The following APAF1 variants were observed in gnomAD, a reference collection of about 807,000 sequenced individuals.
The protein encoded by APAF1 is apoptotic protease-activating factor 1.
Under a neutral mutation model 152.4 loss-of-function variants are expected in APAF1, and 91 were observed. The observed-to-expected ratio is 0.60, with a 90% CI of 0.50 to 0.71. The LOEUF (loss-of-function observed/expected upper bound fraction) is 0.71, where lower values mean the gene tolerates loss of function less well. APAF1 is among the 30% of genes least tolerant of loss of function. The pLI, the probability that APAF1 is intolerant of heterozygous loss-of-function variation, is 0.00. For missense variants in APAF1, 1,283 were observed against 1,472.0 expected (o/e 0.87, Z 2.10); for synonymous variants, 484 against 494.1 (o/e 0.98, Z 0.27).
At chr12:98,667,232 T>C (rs2097674109) in intron 9 of APAF1, among the ~76,000 whole-genome samples, 6 of 151,782 alleles carry the variant, frequency 4.0e-5, no homozygotes, top group Admixed American at 3.9e-4. Context: ...AGTAGTTGGG[T>C]CTGCAGGCAT....
chr12:98,723,912 T>C, intron 24 of APAF1, 148 bp downstream of exon 24: 1 of 831,090 alleles, frequency 1.2e-6, no homozygotes, highest in Non-Finnish European at 2.0e-6. Flanking sequence ...CATTGGCATT[T>C]AGTTGGTATC....
intron 7 of APAF1, among the ~76,000 whole-genome samples, chr12:98,664,743 C>T (rs2097669964): frequency 6.6e-6 from 1 of 152,078 alleles, no homozygotes; most frequent in South Asian, 2.1e-4. Context: ...CTATGTTGCC[C>T]AGGCAGGTCT....
At chr12:98,723,431 C>T (rs2097745902) in intron 23 of APAF1, 119 bp downstream of exon 23, 1 of 1,199,922 alleles carries the variant, frequency 8.3e-7, no homozygotes. Flanking sequence ...TAATTTTTCT[C>T]ATGCTTGTTT....
At chr12:98,671,826 G>A in intron 12 of APAF1, 107 bp downstream of exon 12, 1 of 1,068,592 alleles carries the variant, frequency 9.4e-7, no homozygotes. Flanking sequence ...CTTTCGAAAG[G>A]GCTGGAACTT....
chr12:98,727,140 T>C, intron 25 of APAF1, 33 bp from the exon 26 acceptor site: 1 of 1,610,314 alleles, frequency 6.2e-7, no homozygotes, highest in Non-Finnish European at 8.5e-7. Flanking sequence ...TCTGGATAAC[T>C]CTGTTAATGA....
intron 23 of APAF1, 136 bp from the exon 24 acceptor site, chr12:98,723,503 T>C: frequency 1.0e-6 from 1 of 1,000,472 alleles, no homozygotes; most frequent in Non-Finnish European, 1.5e-6. Context: ...GTTAGTCACA[T>C]TTAAAGTAAA....
chr12:98,730,899 G>C (rs1408814978), intron 26 of APAF1, among the ~76,000 whole-genome samples: 1 of 152,180 alleles, frequency 6.6e-6, no homozygotes, highest in Non-Finnish European at 1.5e-5. Context: ...AAATAATTTA[G>C]CTGTTTACCT....
intron 20 of APAF1, 51 bp downstream of exon 20, chr12:98,708,755 A>G (rs370370266): frequency 1.4e-4 from 218 of 1,593,406 alleles, no homozygotes; most frequent in Non-Finnish European, 1.7e-4. Context: ...TGAATTTTCT[A>G]TTCACGGTTT....
In APAF1 at chr12:98,732,721, T is replaced by C. The variant is rs1361110314; in HGVS notation, c.*155T>C. On this transcript the variant is annotated 3_prime_UTR_variant, in exon 27 of 27. Transcript: ENST00000551964. ...TTTGTGGTTGGATGAATAATATTAATGTAGCTTTTTCCCAAATGAACATAC... is the reference window on the plus strand; with the variant it reads ...TTTGTGGTTGGATGAATAATATTAACGTAGCTTTTTCCCAAATGAACATAC... 4.6e-5 allele frequency: 28 copies of C among 608,274 alleles called. No individual in the cohort carries two copies. Among genetic ancestry groups the C allele is most frequent in the Non-Finnish European group, 6.9e-5 (24 of 348,282 alleles). 37.7% of individuals were successfully genotyped at this position (608,274 alleles called of 1,614,324 possible). A position where few individuals can be genotyped will look rare whatever the true frequency, so the allele number is the denominator to read the frequency against.
At chr12:98,709,187 C>T (rs2097725066) in intron 20 of APAF1, among the ~76,000 whole-genome samples, 1 of 152,234 alleles carries the variant, frequency 6.6e-6, no homozygotes, top group Non-Finnish European at 1.5e-5. Context: ...TTCATTTACA[C>T]ACACCTTTGT....
intron 1 of APAF1, among the ~76,000 whole-genome samples, chr12:98,647,279 G>C (rs2097642396): frequency 6.6e-6 from 1 of 151,296 alleles, no homozygotes; most frequent in Admixed American, 6.6e-5. Flanking sequence ...ATAAGACAAG[G>C]TGGGGGAGAA....
chr12:98,663,001 T>C (rs2097667508), intron 7 of APAF1, among the ~76,000 whole-genome samples, 195 bp downstream of exon 7: 1 of 152,192 alleles, frequency 6.6e-6, no homozygotes, highest in African/African-American at 2.4e-5. Flanking sequence ...TAAAATAATA[T>C]TTACCATCTA....
At chr12:98,696,504 C>T (rs2097710066) in intron 16 of APAF1, among the ~76,000 whole-genome samples, 1 of 152,192 alleles carries the variant, frequency 6.6e-6, no homozygotes, top group African/African-American at 2.4e-5. Flanking sequence ...AGTGGGGATC[C>T]AATTTCAACA....
In APAF1 at chr12:98,653,671, AAAAAAAAAAAAAAAAAAAAAATATATAT is replaced by A. The variant is rs1182012306; in HGVS notation, c.526+3989_526+4016del. On this transcript the variant is annotated intron_variant, in intron 4 of 26. Transcript: ENST00000551964. ...GATGCCGTCTCAAAAAAAAAAAAAA[AAAAAAAAAAAAAAAAAAAAAATATATAT>A]ATATATATATATATATATATATATA... Among the ~76,000 whole-genome samples the A allele has an allele frequency of 1.1e-3, 49 of 46,394 alleles. 2 individuals are homozygous for A. Among genetic ancestry groups the A allele is most frequent in the African/African-American group, 3.2e-3 (45 of 14,178 alleles). 30.4% of individuals were successfully genotyped at this position (46,394 alleles called of 152,430 possible).
intron 4 of APAF1, among the ~76,000 whole-genome samples, chr12:98,658,943 T>G (rs1245432003): frequency 6.6e-6 from 1 of 152,218 alleles, no homozygotes; most frequent in Admixed American, 6.5e-5. Context: ...GCCACAGATT[T>G]ACTTCAAACT....
At chr12:98,663,561 A>G (rs1335812092) in intron 7 of APAF1, among the ~76,000 whole-genome samples, 1 of 152,160 alleles carries the variant, frequency 6.6e-6, no homozygotes, top group East Asian at 1.9e-4. Flanking sequence ...TTCTTTTGAC[A>G]TATAGAAGCT....
In APAF1 at chr12:98,677,502, C is replaced by G. The variant is rs1429891882; in HGVS notation, c.1871C>G (p.Ser624Cys). The change falls in exon 13 of 27, where the codon TCT (serine) becomes TGT (cysteine). Residue 624 changes from serine (S) to cysteine (C), a missense_variant. Ser to Cys is a moderately radical substitution (Grantham distance 112, BLOSUM62 -1). Transcript: ENST00000551964. ...GATGCTGTTTACCATGCCTGCTTTT[C>G]TGAGGATGGTCAGAGAATAGCTTCT... ...HTDAVYHACF[S>C]EDGQRIASCG... 1.2e-6 allele frequency: 2 copies of G among 1,614,032 alleles called. No homozygotes were observed. The highest frequency in any genetic ancestry group is 2.7e-5 in the African/African-American group (2 of 74,922).
chr12:98,699,286 A>G (rs1565882299), intron 16 of APAF1, 122 bp from the exon 17 acceptor site: 2 of 954,394 alleles, frequency 2.1e-6, no homozygotes. Flanking sequence ...AGTCATGCAT[A>G]GGTAAAAATA....
chr12:98,693,220 C>G (rs1047173268), intron 16 of APAF1, among the ~76,000 whole-genome samples: 2 of 151,512 alleles, frequency 1.3e-5, no homozygotes, highest in African/African-American at 2.4e-5. Flanking sequence ...TGATTTGGCT[C>G]TCAGCTTTAA....
Sources: gnomAD v4.1 joint callset for allele counts (sites outside exome capture counted in the v4.1 genomes callset) on GRCh38, gnomAD v4.1.1 for gene constraint, MANE v1.5 for transcripts, NCBI Gene and HGNC (gene_info 2026-07-23, HGNC 2026-07-21) for gene names.